PBX1: variants seen among roughly 807,000 people sequenced by gnomAD.
PBX1 encodes pre-B-cell leukemia transcription factor 1.
PBX1 carries 6 observed loss-of-function variants against 53.4 expected under a neutral mutation model. That is an observed-to-expected ratio of 0.11 (90% CI 0.06 to 0.22). The LOEUF is 0.22. PBX1 is among the 10% of genes least tolerant of loss of function. PBX1 has a pLI of 1.00. For synonymous variants in PBX1, 204 were observed against 212.3 expected (o/e 0.96, Z 0.34); for missense variants, 251 against 551.4 (o/e 0.46, Z 5.46).
intron 2 of PBX1, among the ~76,000 whole-genome samples, chr1:164,645,668 C>T (rs1659410575): frequency 6.6e-6 from 1 of 151,982 alleles, no homozygotes; most frequent in Admixed American, 6.6e-5. Flanking sequence ...TAGTTGAGGG[C>T]CCATTATTCT....
At chr1:164,569,565 T>A (rs375138218) in intron 2 of PBX1, among the ~76,000 whole-genome samples, 540 of 32,102 alleles carry the variant, frequency 0.017, 5 homozygotes, top group African/African-American at 0.066. Flanking sequence ...TTTCCTTGCA[T>A]TTTTTTTTTT....
At chr1:164,865,377 G>A (rs981411188) in intron 2 of PBX1, among the ~76,000 whole-genome samples, 9 of 152,146 alleles carry the variant, frequency 5.9e-5, no homozygotes, top group African/African-American at 1.4e-4. Context: ...GCTTCCACCC[G>A]AACCAGCTGG....
chr1:164,612,701 C>T (rs1475966214), intron 2 of PBX1, among the ~76,000 whole-genome samples: 2 of 152,012 alleles, frequency 1.3e-5, no homozygotes, highest in East Asian at 3.8e-4. Context: ...CTGCCCTAGG[C>T]GGAGGAAGAG....
chr1:164,846,262 CA>C (rs1450284422), intron 8 of PBX1, among the ~76,000 whole-genome samples: 3 of 152,148 alleles, frequency 2.0e-5, no homozygotes, highest in Non-Finnish European at 4.4e-5. Context: ...GAGCCAGAAC[CA>C]AAACTTGAGT....
At chr1:164,579,107 A>G (rs1571258447) in intron 2 of PBX1, among the ~76,000 whole-genome samples, 1 of 152,192 alleles carries the variant, frequency 6.6e-6, no homozygotes, top group African/African-American at 2.4e-5. Context: ...TTCTGCCTTG[A>G]AGGAGTACTG....
intron 2 of PBX1, among the ~76,000 whole-genome samples, chr1:164,878,000 G>A (rs2102462349): frequency 6.6e-6 from 1 of 152,208 alleles, no homozygotes; most frequent in Admixed American, 6.5e-5. Flanking sequence ...ACTCTTTCTT[G>A]TCTGGCTTCT....
intron 2 of PBX1, among the ~76,000 whole-genome samples, chr1:164,777,466 A>G (rs1667728428): frequency 6.6e-6 from 1 of 152,296 alleles, no homozygotes; most frequent in South Asian, 2.1e-4. Context: ...GGGTCGAGAG[A>G]TGAACAGCAA....
intron 8 of PBX1, among the ~76,000 whole-genome samples, chr1:164,840,681 A>G (rs1352627320): frequency 2.0e-5 from 3 of 152,178 alleles, no homozygotes; most frequent in Non-Finnish European, 4.4e-5. Context: ...ACGCAAAACA[A>G]AACAGTATAA....
intron 2 of PBX1, among the ~76,000 whole-genome samples, chr1:164,660,088 A>G (rs2101944488): frequency 6.6e-6 from 1 of 152,188 alleles, no homozygotes; most frequent in South Asian, 2.1e-4. Context: ...TTCTAAAACT[A>G]CTCACCAAAG....
intron 2 of PBX1, among the ~76,000 whole-genome samples, chr1:164,732,575 T>C (rs950553142): frequency 6.6e-6 from 1 of 152,132 alleles, no homozygotes; most frequent in African/African-American, 2.4e-5. Flanking sequence ...GCAAAAGTAA[T>C]TGAGGTCTTT....
At chr1:164,754,988 G>A (rs530270504) in intron 2 of PBX1, among the ~76,000 whole-genome samples, 18 of 152,306 alleles carry the variant, frequency 1.2e-4, no homozygotes, top group African/African-American at 4.3e-4. Flanking sequence ...ATAAATTAAA[G>A]ATTAAAATAT....
chr1:164,668,929 G>A (rs550036477), intron 2 of PBX1, among the ~76,000 whole-genome samples: 3 of 152,298 alleles, frequency 2.0e-5, no homozygotes, highest in South Asian at 4.1e-4. Flanking sequence ...GGCAGAATCC[G>A]TTTAGATTTT....
chr1:164,717,281 T>G (rs1664158232), intron 2 of PBX1, among the ~76,000 whole-genome samples: 1 of 152,142 alleles, frequency 6.6e-6, no homozygotes, highest in Non-Finnish European at 1.5e-5. Flanking sequence ...TGAGGTCCTG[T>G]TTAAGAATAT....
chr1:164,723,549 A>T (rs934267640), intron 2 of PBX1, among the ~76,000 whole-genome samples: 1 of 152,188 alleles, frequency 6.6e-6, no homozygotes, highest in African/African-American at 2.4e-5. Context: ...CCATCTGACC[A>T]TCTGAGGTTG....
At chr1:164,620,817 G>A (rs1235554508) in intron 2 of PBX1, among the ~76,000 whole-genome samples, 2 of 151,752 alleles carry the variant, frequency 1.3e-5, no homozygotes, top group Non-Finnish European at 2.9e-5. Flanking sequence ...CGAGTAGCTG[G>A]GATTACAGGC....
chr1:164,699,655 A>T (rs1051889105), intron 2 of PBX1, among the ~76,000 whole-genome samples: 2 of 152,110 alleles, frequency 1.3e-5, no homozygotes, highest in Non-Finnish European at 2.9e-5. Context: ...ACGGAGGGGA[A>T]ATCACTTCTT....
intron 2 of PBX1, among the ~76,000 whole-genome samples, chr1:164,677,210 A>C (rs906921656): frequency 6.6e-6 from 1 of 150,534 alleles, no homozygotes; most frequent in African/African-American, 2.5e-5. Context: ...CTCCTGCCTC[A>C]GCCTCCCGAG....
chr1:164,823,332 AT>A lies in PBX1; in HGVS notation c.1200+1710del, dbSNP rs1183480407. Among the ~76,000 whole-genome samples, 4 of 152,214 alleles carry A rather than the reference AT, an allele frequency of 2.6e-5. No homozygotes were observed. In the East Asian group the frequency reaches 7.7e-4, roughly 29 times the overall value. On this transcript the variant is annotated intron_variant, in intron 8 of 8. Coordinates refer to ENST00000420696, the MANE Select transcript of PBX1 (RefSeq NM_002585.4). ...ATTCCAAATGAATGAAGTTGTTTGG[AT>A]TTTGTCTGAGTGCAGGTTTATACAC...
intron 2 of PBX1, among the ~76,000 whole-genome samples, chr1:164,879,378 G>T (rs1375033417): frequency 6.6e-6 from 1 of 152,208 alleles, no homozygotes; most frequent in Admixed American, 6.5e-5. Context: ...AGTGGACTCA[G>T]TGGCTACCTG....
Sources: allele counts gnomAD v4.1 joint callset (sites outside exome capture counted in the v4.1 genomes callset), GRCh38; gene constraint gnomAD v4.1.1; transcripts MANE v1.5; gene names NCBI Gene and HGNC (gene_info 2026-07-23, HGNC 2026-07-21).